Variants in AP3B1 observed in about 807,000 individuals in gnomAD.
The protein encoded by AP3B1 is AP-3 complex subunit beta-1.
A neutral mutation model predicts 132.5 loss-of-function variants in AP3B1; 61 were observed. That is an observed-to-expected ratio of 0.46 (90% CI 0.37 to 0.57). The LOEUF is 0.57. Among genes scored for constraint, AP3B1 ranks in the 20% least tolerant of loss-of-function variants. The pLI, the probability that AP3B1 is intolerant of heterozygous loss-of-function variation, is 0.00. For missense variants in AP3B1, 1,120 were observed against 1,289.4 expected (o/e 0.87, Z 2.01); for synonymous variants, 388 against 438.3 (o/e 0.89, Z 1.43).
intron 3 of AP3B1, among the ~76,000 whole-genome samples, chr5:78,234,040 C>T (rs1020669503): frequency 6.6e-6 from 1 of 152,042 alleles, no homozygotes; most frequent in Admixed American, 6.5e-5. Flanking sequence ...CCCAATTGCA[C>T]ATCTTCTCAT....
chr5:78,232,725 T>G (rs1225181021), intron 3 of AP3B1, among the ~76,000 whole-genome samples: 1 of 152,156 alleles, frequency 6.6e-6, no homozygotes, highest in Non-Finnish European at 1.5e-5. Flanking sequence ...CTTTTTTTTT[T>G]AGACAGAGTC....
chr5:78,177,985 G>C lies in AP3B1; in HGVS notation c.943-549C>G, dbSNP rs567201231. On this transcript the variant is annotated intron_variant, in intron 8 of 26. Coordinates refer to ENST00000255194, the MANE Select transcript of AP3B1 (RefSeq NM_003664.5). ...CACTCAGTTTGTGGCAATATGTATG[G>C]CAGTGCTATGAAAAGAATACATCCT... Among the ~76,000 whole-genome samples, 7 of 152,212 alleles carry C rather than the reference G, an allele frequency of 4.6e-5. No homozygotes were observed. In the South Asian group the frequency reaches 8.3e-4, roughly 18 times the overall value.
At chr5:78,048,492 G>T (rs900374362) in intron 22 of AP3B1, among the ~76,000 whole-genome samples, 29 of 152,088 alleles carry the variant, frequency 1.9e-4, no homozygotes, top group African/African-American at 6.8e-4. Context: ...TGGACATTTG[G>T]CCCAATGAGT....
intron 21 of AP3B1, among the ~76,000 whole-genome samples, chr5:78,097,654 T>G (rs1413523689): frequency 2.1e-4 from 14 of 66,970 alleles, no homozygotes; most frequent in Admixed American, 3.6e-4. Context: ...GGGAGGGAGG[T>G]GGGGGGGTCA....
At chr5:78,039,777 CAA>C (rs1253462843) in intron 22 of AP3B1, among the ~76,000 whole-genome samples, 2 of 71,220 alleles carry the variant, frequency 2.8e-5, no homozygotes, top group African/African-American at 5.5e-5. Flanking sequence ...GACTCCGTCT[CAA>C]AAAAAAAAAA....
At chr5:78,291,041 T>A (rs1325361540) in intron 1 of AP3B1, among the ~76,000 whole-genome samples, 2 of 152,130 alleles carry the variant, frequency 1.3e-5, no homozygotes, top group Non-Finnish European at 2.9e-5. Flanking sequence ...TACACAGGCC[T>A]TTTTAGCCAA....
intron 13 of AP3B1, among the ~76,000 whole-genome samples, chr5:78,160,659 A>G (rs562373546): frequency 1.5e-4 from 23 of 152,236 alleles, no homozygotes; most frequent in African/African-American, 5.5e-4. Flanking sequence ...AGATTCCTAG[A>G]GCCTTAAAAG....
chr5:78,207,934 GC>G (rs1215188834), intron 7 of AP3B1, among the ~76,000 whole-genome samples: 1 of 152,074 alleles, frequency 6.6e-6, no homozygotes, highest in East Asian at 1.9e-4. Context: ...TAATCCAAGA[GC>G]CCAGGTAAAA....
At chr5:78,070,883 A>G (rs1046348075) in intron 22 of AP3B1, among the ~76,000 whole-genome samples, 23 of 152,168 alleles carry the variant, frequency 1.5e-4, no homozygotes, top group Admixed American at 2.6e-4. Flanking sequence ...GCCAGTCAGA[A>G]TGGCGATTAA....
At chr5:78,253,194 A>C (rs188575596) in intron 2 of AP3B1, among the ~76,000 whole-genome samples, 12 of 152,390 alleles carry the variant, frequency 7.9e-5, no homozygotes, top group Non-Finnish European at 1.5e-5. Context: ...CCTAAAGCCA[A>C]TATAGCTTAG....
intron 7 of AP3B1, among the ~76,000 whole-genome samples, chr5:78,204,494 G>T (rs983066222): frequency 6.6e-6 from 1 of 152,116 alleles, no homozygotes; most frequent in Non-Finnish European, 1.5e-5. Context: ...GCATGAAATG[G>T]ACTTTCTAGA....
intron 22 of AP3B1, among the ~76,000 whole-genome samples, chr5:78,053,334 C>T (rs965309813): frequency 2.0e-5 from 3 of 151,832 alleles, no homozygotes; most frequent in African/African-American, 4.8e-5. Context: ...TTTCAAATTA[C>T]AACAGCATTA....
At chr5:78,075,180 G>C (rs1444911350) in intron 22 of AP3B1, among the ~76,000 whole-genome samples, 4 of 152,066 alleles carry the variant, frequency 2.6e-5, no homozygotes, top group Non-Finnish European at 5.9e-5. Context: ...GAGGAGAACT[G>C]GTAGGGGGGT....
At chr5:78,005,868 A>T (rs113017154) in intron 26 of AP3B1, among the ~76,000 whole-genome samples, 176 of 152,314 alleles carry the variant, frequency 1.2e-3, no homozygotes, top group Admixed American at 4.8e-3. Context: ...TGCAAAAAAT[A>T]GTTATGGAAA....
intron 6 of AP3B1, among the ~76,000 whole-genome samples, chr5:78,224,037 A>G (rs1746298124): frequency 1.3e-5 from 2 of 152,156 alleles, no homozygotes; most frequent in South Asian, 4.1e-4. Flanking sequence ...TACTTAGCCA[A>G]TCTCTTGCAC....
intron 1 of AP3B1, among the ~76,000 whole-genome samples, chr5:78,290,459 G>A (rs1434107795): frequency 6.6e-6 from 1 of 151,940 alleles, no homozygotes; most frequent in Non-Finnish European, 1.5e-5. Context: ...CTTTACTATT[G>A]TAATTAAGAA....
At chr5:78,281,927 A>T (rs892411211) in intron 1 of AP3B1, among the ~76,000 whole-genome samples, 2 of 152,156 alleles carry the variant, frequency 1.3e-5, no homozygotes, top group Non-Finnish European at 2.9e-5. Flanking sequence ...GGTTAGGATG[A>T]TAAAGTTATT....
intron 21 of AP3B1, 51 bp from the exon 22 acceptor site, chr5:78,089,550 T>C: frequency 8.6e-7 from 1 of 1,167,342 alleles, no homozygotes; most frequent in Non-Finnish European, 1.3e-6. Context: ...TTAATTCAAA[T>C]TATTAAAAGC....
chr5:78,034,333 T>TATCCTTTACAGTTTAAAAAAAAAAA, intron 24 of AP3B1, 28 bp downstream of exon 24: 1 of 1,561,584 alleles, frequency 6.4e-7, no homozygotes, highest in Non-Finnish European at 8.8e-7. Context: ...ACAGGTTATA[T>TATCCTTTACAGTTTAAAAAAAAAAA]AAAAAATAGA....
Sources: gnomAD v4.1 joint callset for allele counts (sites outside exome capture counted in the v4.1 genomes callset) on GRCh38, gnomAD v4.1.1 for gene constraint, MANE v1.5 for transcripts, NCBI Gene and HGNC (gene_info 2026-07-23, HGNC 2026-07-21) for gene names.